YY1: variants seen among roughly 807,000 people sequenced by gnomAD.
YY1 encodes the protein YY1 transcription factor.
A neutral mutation model predicts 35.6 loss-of-function variants in YY1; 2 were observed. That is an observed-to-expected ratio of 0.06 (90% confidence interval 0.02 to 0.18). The LOEUF (loss-of-function observed/expected upper bound fraction) is 0.18, where lower values mean the gene tolerates loss of function less well. YY1 is among the 10% of genes least tolerant of loss of function. The probability of loss-of-function intolerance (pLI) is 1.00; values close to 1 mark genes in which losing one functional copy is unlikely to be tolerated. For synonymous variants in YY1, 268 were observed against 238.9 expected (o/e 1.12, Z -1.12); for missense variants, 322 against 573.4 (o/e 0.56, Z 4.48).
rs1394295278 is a variant in YY1, at chr14:100,280,782, G to C, written c.*3182G>C. On this transcript the variant is annotated 3_prime_UTR_variant, in exon 5 of 5. Transcript: ENST00000262238. ...TTCCAGTCGGGGGAAGCCCGCCTGA[G>C]CAGTGTTTTGAGAGTGCGTACATTG... 1 of 152,130 alleles carries C rather than the reference G, an allele frequency of 6.6e-6. No individual in the cohort carries two copies. The highest frequency in any genetic ancestry group is 2.4e-5 in the African/African-American group (1 of 41,410). The allele number at this position is 152,130 out of a possible 1,614,324, so 9.4% of individuals were successfully genotyped here.
At chr14:100,272,852 C>T (rs999942831) in intron 2 of YY1, among the ~76,000 whole-genome samples, 11 of 152,140 alleles carry the variant, frequency 7.2e-5, no homozygotes, top group Middle Eastern at 6.8e-3. Flanking sequence ...CACTTGTATC[C>T]TCATAGCTTA....
chr14:100,275,357 T>G (rs1344885946), intron 3 of YY1, among the ~76,000 whole-genome samples: 7 of 152,196 alleles, frequency 4.6e-5, no homozygotes. Context: ...ATGTTAAAAA[T>G]GAACAATCGG....
At chr14:100,265,647 C>CT (rs10594089) in intron 2 of YY1, among the ~76,000 whole-genome samples, 1,297 of 104,422 alleles carry the variant, frequency 0.012, 31 homozygotes, top group Non-Finnish European at 0.015. Flanking sequence ...AACACTGAAG[C>CT]TTTTTTTTTT....
chr14:100,250,521 C>A (rs1890908528), intron 1 of YY1, among the ~76,000 whole-genome samples: 1 of 152,068 alleles, frequency 6.6e-6, no homozygotes, highest in Admixed American at 6.6e-5. Flanking sequence ...AAATTACCAT[C>A]AACCCTAATG....
At chr14:100,265,573 C>T (rs908740416) in intron 2 of YY1, among the ~76,000 whole-genome samples, 1 of 151,554 alleles carries the variant, frequency 6.6e-6, no homozygotes, top group Non-Finnish European at 1.5e-5. Context: ...TCAAGTCCAA[C>T]ATGGATGTTT....
At chr14:100,240,113 C>T (rs1890706852) in intron 1 of YY1, among the ~76,000 whole-genome samples, 190 bp downstream of exon 1, 2 of 145,884 alleles carry the variant, frequency 1.4e-5, no homozygotes, top group Non-Finnish European at 3.0e-5. Flanking sequence ...TGGCGGCAGG[C>T]CGCGGGGGGG....
chr14:100,245,298 T>G (rs1342883672), intron 1 of YY1, among the ~76,000 whole-genome samples: 2 of 152,188 alleles, frequency 1.3e-5, no homozygotes, highest in Admixed American at 1.3e-4. Flanking sequence ...ACTCTGTGCA[T>G]CTGGAGTTTT....
At chr14:100,270,536 T>C (rs1891222521) in intron 2 of YY1, among the ~76,000 whole-genome samples, 1 of 150,152 alleles carries the variant, frequency 6.7e-6, no homozygotes, top group African/African-American at 2.5e-5. Context: ...GGCAGGAGAA[T>C]CGCTTGAACC....
chr14:100,278,017 G>T lies in YY1; in HGVS notation c.*417G>T, dbSNP rs1256649008. On this transcript the variant is annotated 3_prime_UTR_variant, in exon 5 of 5. Transcript: ENST00000262238. Reference sequence around the variant, plus strand: ...AAGTGTGCATATTGTACACTTTTTTGGGGATATGCTTAGTAATGCTACGTG... The same window carrying T: ...AAGTGTGCATATTGTACACTTTTTTTGGGATATGCTTAGTAATGCTACGTG... The T allele has an allele frequency of 2.7e-5, 5 of 186,198 alleles. No individual in the cohort carries two copies. The highest frequency in any genetic ancestry group is 4.8e-5 in the African/African-American group (2 of 41,716). 11.5% of individuals were successfully genotyped at this position (186,198 alleles called of 1,614,324 possible). A position where few individuals can be genotyped will look rare whatever the true frequency, so the allele number is the denominator to read the frequency against.
At chr14:100,247,052 G>T (rs1199860733) in intron 1 of YY1, among the ~76,000 whole-genome samples, 3 of 152,248 alleles carry the variant, frequency 2.0e-5, no homozygotes, top group Non-Finnish European at 4.4e-5. Context: ...TCCGTATCAG[G>T]AAAAGGTCAG....
At position 100,240,482 on chromosome 14, in the gene YY1, A is replaced by G. The variant is rs1263635919; in HGVS notation, c.679+559A>G. Among the ~76,000 whole-genome samples, 25 of 151,808 alleles carry G rather than the reference A, an allele frequency of 1.6e-4. 1 individual carries two copies. The highest frequency in any genetic ancestry group is 4.8e-5 in the African/African-American group (2 of 41,368). On this transcript the variant is annotated intron_variant, in intron 1 of 4. Coordinates refer to ENST00000262238, the MANE Select transcript of YY1 (RefSeq NM_003403.5). ...CGCCCCCAACTTCCCCGGACTCCCA[A>G]CTGCTCCCCGGTGGCACCTTCCAGA...
intron 2 of YY1, among the ~76,000 whole-genome samples, chr14:100,271,755 C>T (rs1453759616): frequency 6.6e-6 from 1 of 152,068 alleles, no homozygotes; most frequent in African/African-American, 2.4e-5. Flanking sequence ...AAGGATTCTA[C>T]CTCCTCAGCC....
rs1439357641 is a variant in YY1 at position 100,280,933 on chromosome 14, A to C, written c.*3333A>C. 1 of 152,032 alleles carries C rather than the reference A, an allele frequency of 6.6e-6. No individual in the cohort carries two copies. Among genetic ancestry groups the C allele is most frequent in the Non-Finnish European group, 1.5e-5 (1 of 68,036 alleles). The allele number at this position is 152,032 out of a possible 1,614,324, so 9.4% of individuals were successfully genotyped here. On this transcript the variant is annotated 3_prime_UTR_variant, in exon 5 of 5. Coordinates refer to ENST00000262238, the MANE Select transcript of YY1 (RefSeq NM_003403.5). ...TGGCCCCCTAAAAAGAAGTTTTGGA[A>C]TTGGAAGCCTGATAATTTCGGGAGG...
At chr14:100,246,009 G>A (rs931884531) in intron 1 of YY1, among the ~76,000 whole-genome samples, 5 of 152,214 alleles carry the variant, frequency 3.3e-5, no homozygotes, top group African/African-American at 1.2e-4. Context: ...AAAACATTTA[G>A]TTCAGAGAGA....
chr14:100,240,026 G>A (rs1890704018), intron 1 of YY1, 103 bp downstream of exon 1: 2 of 1,113,542 alleles, frequency 1.8e-6, no homozygotes, highest in African/African-American at 1.7e-5. Context: ...GCCAGGGCAA[G>A]TATGGCGGCC....
chr14:100,244,912 T>C (rs531982355), intron 1 of YY1, among the ~76,000 whole-genome samples: 1 of 151,362 alleles, frequency 6.6e-6, no homozygotes, highest in East Asian at 1.9e-4. Context: ...GTTTCTTCTG[T>C]ATTTATTTTT....
chr14:100,239,968 GA>G, intron 1 of YY1, 45 bp downstream of exon 1: 1 of 1,502,144 alleles, frequency 6.7e-7, no homozygotes, highest in South Asian at 1.3e-5. Flanking sequence ...TTTTTGTTTT[GA>G]AGGGAAGCCA....
intron 2 of YY1, among the ~76,000 whole-genome samples, chr14:100,267,380 C>A (rs545654905): frequency 1.3e-5 from 2 of 152,244 alleles, no homozygotes; most frequent in East Asian, 1.9e-4. Context: ...AATAGCATTT[C>A]TTTTATTAGC....
Position 100,281,499 on chromosome 14 carries a change from CTTCAGAG to C in YY1, c.*3905_*3911del. The stretch of plus-strand genomic sequence containing the variant: ...CACTGACAGTAATGTGAGCGCAGCA[CTTCAGAG>C]TTCAGGCCCAGCAGGTCCTGGCAAG... On this transcript the variant is annotated 3_prime_UTR_variant, in exon 5 of 5. Coordinates refer to ENST00000262238, the MANE Select transcript of YY1 (RefSeq NM_003403.5). The C allele has an allele frequency of 6.6e-6, 1 of 152,314 alleles. No individual in the cohort carries two copies. Among genetic ancestry groups the C allele is most frequent in the African/African-American group, 2.4e-5 (1 of 41,562 alleles). The allele number at this position is 152,314 out of a possible 1,614,324, so 9.4% of individuals were successfully genotyped here. A position where few individuals can be genotyped will look rare whatever the true frequency, so the allele number is the denominator to read the frequency against.
Sources: gnomAD v4.1 joint callset for allele counts (sites outside exome capture counted in the v4.1 genomes callset) on GRCh38, gnomAD v4.1.1 for gene constraint, MANE v1.5 for transcripts, NCBI Gene and HGNC (gene_info 2026-07-23, HGNC 2026-07-21) for gene names.